Variants in CAPN13 observed in about 807,000 individuals in gnomAD.
CAPN13 encodes calpain 13.
A neutral mutation model predicts 98.4 loss-of-function variants in CAPN13; 90 were observed. That is an observed-to-expected ratio of 0.92 (90% CI 0.77 to 1.09). The LOEUF is 1.09. CAPN13 is among the 50% of genes least tolerant of loss of function. The pLI, the probability that CAPN13 is intolerant of heterozygous loss-of-function variation, is 0.00. For missense variants in CAPN13, 887 were observed against 841.3 expected (o/e 1.05, Z -0.67); for synonymous variants, 330 against 305.5 (o/e 1.08, Z -0.84).
Position 30,764,159 on chromosome 2 carries a change from G to A in CAPN13, c.672C>T (p.Ser224=). Residue 224 remains serine (S), a synonymous_variant, in exon 6 of 23, where the codon TCC becomes TCT. Coordinates refer to ENST00000295055, the MANE Select transcript of CAPN13 (RefSeq NM_144575.3). ...KAVKTATKAG[S]LITCATPSGP... ...CACTTGGAGTGGCACAGGTTATCAG[G>A]GAGCCTGCCTTGGTCGCTGTCTTCA... is the stretch of plus-strand genomic sequence containing the variant. 3 of 1,584,848 alleles carry A rather than the reference G, an allele frequency of 1.9e-6. No individual in the cohort carries two copies. The highest frequency in any genetic ancestry group is 2.6e-6 in the Non-Finnish European group (3 of 1,165,148).
intron 2 of CAPN13, among the ~76,000 whole-genome samples, chr2:30,783,498 A>T (rs1340421577): frequency 6.6e-6 from 1 of 152,152 alleles, no homozygotes; most frequent in Non-Finnish European, 1.5e-5. Context: ...TAATTGTTAG[A>T]GGAAGGAAGG....
rs960860257 is a variant in CAPN13, at chr2:30,787,065, G to A, written c.198+63C>T. ...TTGGCTCCACCTCCTTTTGGCTGGAGGTGCCATGGCAGGCGACTCCGAGGA... is the reference window on the plus strand; with the variant it reads ...TTGGCTCCACCTCCTTTTGGCTGGAAGTGCCATGGCAGGCGACTCCGAGGA... On this transcript the variant is annotated intron_variant, in intron 2 of 22. Transcript: ENST00000295055. The A allele has an allele frequency of 6.0e-6, 8 of 1,337,520 alleles. No individual in the cohort carries two copies. The African/African-American group carries it at 8.9e-5, about 15-fold the overall frequency. 82.9% of individuals were successfully genotyped at this position (1,337,520 alleles called of 1,614,324 possible).
At chr2:30,736,433 G>A (rs1382751751) in intron 18 of CAPN13, 70 bp downstream of exon 18, 16 of 1,472,166 alleles carry the variant, frequency 1.1e-5, no homozygotes, top group African/African-American at 1.4e-5. Flanking sequence ...CTGGTGCAGG[G>A]TTAGACACCC....
At chr2:30,755,628 A>G (rs1174732785) in intron 8 of CAPN13, among the ~76,000 whole-genome samples, 2 of 151,968 alleles carry the variant, frequency 1.3e-5, no homozygotes, top group Non-Finnish European at 2.9e-5. Context: ...CTTGTAAGCA[A>G]TGGGTTTCAG....
chr2:30,754,405 T>G (rs1259337313), intron 8 of CAPN13, 41 bp from the exon 9 acceptor site: 1 of 1,553,006 alleles, frequency 6.4e-7, no homozygotes, highest in East Asian at 2.3e-5. Flanking sequence ...GATTTTCCAG[T>G]GCATTTTTTC....
intron 19 of CAPN13, 60 bp from the exon 20 acceptor site, chr2:30,732,626 T>G (rs1302624929): frequency 1.3e-6 from 2 of 1,555,510 alleles, no homozygotes; most frequent in Non-Finnish European, 1.7e-6. Flanking sequence ...TTCCTCTGCC[T>G]CTCAGGGTCT....
At chr2:30,785,739 C>T (rs1674240086) in intron 2 of CAPN13, among the ~76,000 whole-genome samples, 1 of 152,224 alleles carries the variant, frequency 6.6e-6, no homozygotes, top group East Asian at 1.9e-4. Context: ...TTGCTCAGCA[C>T]CTTGTGAGAA....
intron 1 of CAPN13, among the ~76,000 whole-genome samples, chr2:30,789,932 A>T (rs564157307): frequency 6.6e-6 from 1 of 152,138 alleles, no homozygotes; most frequent in South Asian, 2.1e-4. Flanking sequence ...ACTGCTCTGC[A>T]TTCACTACAT....
intron 4 of CAPN13, among the ~76,000 whole-genome samples, chr2:30,774,542 C>G (rs1673588084): frequency 6.6e-6 from 1 of 152,040 alleles, no homozygotes; most frequent in Admixed American, 6.6e-5. Flanking sequence ...AACTCAGTGG[C>G]AATATATTTG....
Position 30,751,187 on chromosome 2 carries a change from A to G in CAPN13, c.1152T>C (p.Val384=), listed in dbSNP as rs372266206. ...TGACAGCAACTGTGACGCACACGAC[A>G]ACATTGGTGCCTTCCATTGGCTCTT... The part of the protein sequence containing the change: ...SVQEPMEGTN[V]VVCVTVAVTP... The change falls in exon 11 of 23, where the codon GTT becomes GTC. Residue 384 remains valine, a synonymous_variant. Coordinates refer to ENST00000295055, the MANE Select transcript of CAPN13 (RefSeq NM_144575.3). 61 of 1,613,908 alleles carry G rather than the reference A, an allele frequency of 3.8e-5. No homozygotes were observed. The highest frequency in any genetic ancestry group is 2.0e-4 in the South Asian group (18 of 91,086).
At chr2:30,742,074 T>C (rs1671691119) in intron 14 of CAPN13, 110 bp from the exon 15 acceptor site, 1 of 1,088,132 alleles carries the variant, frequency 9.2e-7, no homozygotes, top group Non-Finnish European at 1.4e-6. Flanking sequence ...GAGTCTTTAT[T>C]GGGCAGTTGG....
chr2:30,755,448 A>G (rs1672396310), intron 8 of CAPN13, among the ~76,000 whole-genome samples: 1 of 152,174 alleles, frequency 6.6e-6, no homozygotes, highest in African/African-American at 2.4e-5. Context: ...AAGTAATTGC[A>G]TGCCTAATAG....
chr2:30,784,480 A>T (rs1674155651), intron 2 of CAPN13, among the ~76,000 whole-genome samples: 1 of 152,238 alleles, frequency 6.6e-6, no homozygotes, highest in Admixed American at 6.5e-5. Flanking sequence ...TAAAGTAATC[A>T]TATGTGGTAC....
At chr2:30,766,182 G>T (rs1673100737) in intron 5 of CAPN13, among the ~76,000 whole-genome samples, 1 of 152,208 alleles carries the variant, frequency 6.6e-6, no homozygotes. Flanking sequence ...CGCCTTTCCT[G>T]GCTTCAAACA....
chr2:30,745,307 T>A, intron 12 of CAPN13: 1 of 480,644 alleles, frequency 2.1e-6, no homozygotes, highest in Middle Eastern at 3.2e-4. Flanking sequence ...GGCTCAAGGA[T>A]GTACCTTGAA....
chr2:30,745,894 ATTT>A (rs57880021), intron 11 of CAPN13, among the ~76,000 whole-genome samples, 160 bp from the exon 12 acceptor site: 1,958 of 92,602 alleles, frequency 0.021, 16 homozygotes, highest in Admixed American at 0.053. Flanking sequence ...GCCATAAAGC[ATTT>A]TTTTTTTTTT....
chr2:30,763,201 C>A (rs1207065074), intron 6 of CAPN13, 45 bp from the exon 7 acceptor site: 1 of 1,546,812 alleles, frequency 6.5e-7, no homozygotes, highest in Non-Finnish European at 8.9e-7. Context: ...TCTACAGGTT[C>A]TTCAAAGAAA....
At chr2:30,740,815 CACCT>C (rs1040564901) in intron 15 of CAPN13, among the ~76,000 whole-genome samples, 4 of 152,204 alleles carry the variant, frequency 2.6e-5, no homozygotes, top group African/African-American at 9.7e-5. Context: ...GAGAATTTGC[CACCT>C]GCCACTGAAG....
In CAPN13 at chr2:30,753,343, T is replaced by C. The variant is rs1052334194; in HGVS notation, c.942-145A>G. ...ATTCACCATCAAGCACCCTTCTATC[T>C]TTTCAGTCCTTCTGCTCCAGTGGCT... On this transcript the variant is annotated intron_variant, in intron 9 of 22. Coordinates refer to ENST00000295055, the MANE Select transcript of CAPN13 (RefSeq NM_144575.3). 6.1e-6 allele frequency: 5 copies of C among 813,458 alleles called. No homozygotes were observed. The African/African-American group carries it at 8.5e-5, about 14-fold the overall frequency. 50.4% of individuals were successfully genotyped at this position (813,458 alleles called of 1,614,324 possible).
Sources: gnomAD v4.1 joint callset for allele counts (sites outside exome capture counted in the v4.1 genomes callset) on GRCh38, gnomAD v4.1.1 for gene constraint, MANE v1.5 for transcripts, NCBI Gene and HGNC (gene_info 2026-07-23, HGNC 2026-07-21) for gene names.